SYNPR: variants seen among roughly 807,000 people sequenced by gnomAD.
SYNPR encodes synaptoporin.
In SYNPR, 23 loss-of-function variants were observed where a neutral mutation model predicts 32.9. The observed-to-expected ratio is 0.70, with a 90% CI of 0.50 to 0.99. The LOEUF (loss-of-function observed/expected upper bound fraction) is 0.99. SYNPR is among the 50% of genes least tolerant of loss of function. The probability of loss-of-function intolerance (pLI) is 0.00; values close to 1 mark genes in which losing one functional copy is unlikely to be tolerated. For synonymous variants in SYNPR, 146 were observed against 135.9 expected (o/e 1.07, Z -0.52); for missense variants, 318 against 349.3 (o/e 0.91, Z 0.71).
At chr3:63,463,567 G>T (rs1700625876) in intron 2 of SYNPR, among the ~76,000 whole-genome samples, 1 of 152,154 alleles carries the variant, frequency 6.6e-6, no homozygotes, top group Non-Finnish European at 1.5e-5. Flanking sequence ...CAGAGCAGAA[G>T]TTCTTAGGCT....
At chr3:63,403,435 T>TAC (rs770658786) in intron 2 of SYNPR, among the ~76,000 whole-genome samples, 2 of 114,808 alleles carry the variant, frequency 1.7e-5, no homozygotes, top group Non-Finnish European at 3.6e-5. Context: ...TACGTATGTA[T>TAC]ACACATACAC....
chr3:63,561,877 T>G (rs1278613083), intron 4 of SYNPR, among the ~76,000 whole-genome samples: 5 of 152,162 alleles, frequency 3.3e-5, no homozygotes, highest in Non-Finnish European at 7.4e-5. Flanking sequence ...CTGAAAAAAT[T>G]TTTTCTACTG....
In SYNPR at chr3:63,606,958, C is replaced by A. The variant is rs192873295; in HGVS notation, c.409-2167C>A. 4.1e-4 allele frequency among the ~76,000 whole-genome samples: 62 copies of A among 152,242 alleles called. 1 individual carries two copies. The East Asian group carries it at 0.011, about 27-fold the overall frequency. ...CATATAAACTTGGAATAATACTTGA[C>A]ACATCATAAGCACTCAATAAATGTT... On this transcript the variant is annotated intron_variant, in intron 4 of 5. Transcript: ENST00000478300.
In SYNPR at chr3:63,565,160, T is replaced by C. The variant is rs577085737; in HGVS notation, c.408+8419T>C. Among the ~76,000 whole-genome samples, 15 of 152,292 alleles carry C rather than the reference T, an allele frequency of 9.8e-5. No homozygotes were observed. In the South Asian group the frequency reaches 1.9e-3, roughly 19 times the overall value. Reference sequence around the variant, plus strand: ...ATAGCCTGGCATACCCAGAGAAAACTTGGCTTCCTTTCTCAGACAGACCAG... The same window carrying C: ...ATAGCCTGGCATACCCAGAGAAAACCTGGCTTCCTTTCTCAGACAGACCAG... On this transcript the variant is annotated intron_variant, in intron 4 of 5. Coordinates refer to ENST00000478300, the MANE Select transcript of SYNPR (RefSeq NM_001130003.2).
chr3:63,405,668 T>C (rs950384692), intron 2 of SYNPR, among the ~76,000 whole-genome samples: 3 of 152,172 alleles, frequency 2.0e-5, no homozygotes, highest in Non-Finnish European at 2.9e-5. Context: ...CAGGCTGCCA[T>C]GTGGACAGTG....
intron 2 of SYNPR, among the ~76,000 whole-genome samples, chr3:63,404,398 T>C (rs1223313821): frequency 2.0e-5 from 3 of 152,206 alleles, no homozygotes; most frequent in Non-Finnish European, 4.4e-5. Context: ...ACATGAATTA[T>C]GTAGTATATA....
rs1437990534 is a variant in SYNPR, at chr3:63,595,923, ATATATATATAGTTT to A, written c.409-13165_409-13152del. 7.1e-3 allele frequency among the ~76,000 whole-genome samples: 704 copies of A among 99,136 alleles called. 22 individuals are homozygous for A. Among genetic ancestry groups the A allele is most frequent in the African/African-American group, 0.016 (450 of 27,478 alleles). The allele number at this position is 99,136 out of a possible 152,430, so 65.0% of individuals were successfully genotyped here. On this transcript the variant is annotated intron_variant, in intron 4 of 5. Transcript: ENST00000478300. ...TATATAGTTATATATATATAGTTTT[ATATATATATAGTTT>A]TATATATATAGTTTTATATATATAG...
At chr3:63,453,857 C>T (rs1700428912) in intron 2 of SYNPR, among the ~76,000 whole-genome samples, 2 of 152,034 alleles carry the variant, frequency 1.3e-5, no homozygotes, top group African/African-American at 4.8e-5. Context: ...AACAGTACTA[C>T]AATAAATAAA....
chr3:63,471,232 G>A (rs1276681432), intron 2 of SYNPR, among the ~76,000 whole-genome samples: 1 of 152,172 alleles, frequency 6.6e-6, no homozygotes, highest in Non-Finnish European at 1.5e-5. Context: ...AAGAGCACAG[G>A]TAGTTATATA....
intron 3 of SYNPR, among the ~76,000 whole-genome samples, chr3:63,505,001 G>A (rs987570237): frequency 5.9e-5 from 9 of 152,106 alleles, no homozygotes; most frequent in African/African-American, 1.9e-4. Context: ...TGAATCAAGA[G>A]TGTGTCTGTG....
At position 63,233,277 on chromosome 3, in the gene SYNPR, A is replaced by G. The variant is rs762411048; in HGVS notation, n.66+4897A>G. Among the ~76,000 whole-genome samples the G allele has an allele frequency of 9.9e-4, 151 of 152,264 alleles. 1 individual carries two copies. Among genetic ancestry groups the G allele is most frequent in the Non-Finnish European group, 2.2e-4 (15 of 68,046 alleles). On this transcript the variant is annotated intron_variant and non_coding_transcript_variant, in intron 1 of 4. Transcript: ENST00000478456. The stretch of plus-strand genomic sequence containing the variant: ...CCACTGTTCTAGCTCCCTGGAAGAT[A>G]TAGTACAGATAGGGGCATTATTATA...
intron 2 of SYNPR, among the ~76,000 whole-genome samples, chr3:63,330,525 G>T (rs1362703626): frequency 6.6e-6 from 1 of 151,870 alleles, no homozygotes; most frequent in Non-Finnish European, 1.5e-5. Flanking sequence ...TCCTGCTTGA[G>T]ACCGCAGAAA....
Position 63,556,747 on chromosome 3 carries a change from T to C in SYNPR, c.408+6T>C, listed in dbSNP as rs574921294. 10 of 1,598,968 alleles carry C rather than the reference T, an allele frequency of 6.3e-6. No homozygotes were observed. The African/African-American group carries it at 1.4e-4, about 22-fold the overall frequency. ...ACAACCGGGGCCCACTCATTGTAAG[T>C]GGTTTTCTTTTTCAAATAACTTTTT... On this transcript the variant is annotated splice_donor_region_variant and intron_variant, in intron 4 of 5. Transcript: ENST00000478300.
upstream of SYNPR, among the ~76,000 whole-genome samples, chr3:63,276,907 C>A (rs539591305): frequency 1.3e-3 from 182 of 140,498 alleles, no homozygotes; most frequent in Admixed American, 4.7e-3. Context: ...ACCCACCCCC[C>A]CCACCAACAC....
intron 2 of SYNPR, among the ~76,000 whole-genome samples, chr3:63,326,539 T>C (rs956524659): frequency 3.9e-5 from 6 of 152,136 alleles, no homozygotes; most frequent in Non-Finnish European, 8.8e-5. Context: ...ATTCCTTATA[T>C]ATAAAAAGGA....
At chr3:63,246,240 C>A (rs2086289329) in intron 1 of SYNPR, among the ~76,000 whole-genome samples, 2 of 152,072 alleles carry the variant, frequency 1.3e-5, no homozygotes, top group Admixed American at 6.6e-5. Flanking sequence ...AATTAGATTT[C>A]TTTACAAAAT....
intron 3 of SYNPR, among the ~76,000 whole-genome samples, chr3:63,498,923 G>A (rs1330110801): frequency 2.7e-5 from 4 of 147,640 alleles, no homozygotes; most frequent in Non-Finnish European, 5.9e-5. Context: ...AGACCAGCCC[G>A]GGCAACATAG....
rs142291583 is a variant in SYNPR, at chr3:63,572,496, C to A, written c.408+15755C>A. 6.7e-4 allele frequency among the ~76,000 whole-genome samples: 102 copies of A among 152,274 alleles called. 3 individuals are homozygous for A. In the East Asian group the frequency reaches 0.015, roughly 22 times the overall value. On this transcript the variant is annotated intron_variant, in intron 4 of 5. Coordinates refer to ENST00000478300, the MANE Select transcript of SYNPR (RefSeq NM_001130003.2). ...GTCTCTCTATCCTCGCTTGCCCTCT[C>A]ATTTTAAAGTTTATCTCTCCAAAAC...
chr3:63,513,052 C>G (rs1036024517), intron 3 of SYNPR, among the ~76,000 whole-genome samples: 4 of 152,044 alleles, frequency 2.6e-5, no homozygotes, highest in African/African-American at 9.7e-5. Context: ...GACTGAGGGC[C>G]AGTCTTCCTC....
Sources: gnomAD v4.1 joint callset for allele counts (sites outside exome capture counted in the v4.1 genomes callset) on GRCh38, gnomAD v4.1.1 for gene constraint, MANE v1.5 for transcripts, NCBI Gene and HGNC (gene_info 2026-07-23, HGNC 2026-07-21) for gene names.